Variants in TFEC observed in about 807,000 individuals in gnomAD.
TFEC encodes class E basic helix-loop-helix protein 34.
TFEC carries 31 observed loss-of-function variants against 41.6 expected under a neutral mutation model. The ratio of observed to expected loss-of-function variants is 0.74; its 90% CI spans 0.56 to 1.01. The LOEUF is 1.01. TFEC is among the 50% of genes least tolerant of loss of function. The probability of loss-of-function intolerance (pLI) is 0.00; values close to 1 mark genes in which losing one functional copy is unlikely to be tolerated. For missense variants in TFEC, 402 were observed against 404.1 expected (o/e 0.99, Z 0.04); for synonymous variants, 143 against 140.6 (o/e 1.02, Z -0.12).
In TFEC at chr7:115,992,366, C is replaced by G. The variant is rs142252655; in HGVS notation, c.-72-7853G>C. ...AGAAATAACTAAGATCAGAGCAGAA[C>G]TGAAGGAAATAGAGACACCAAAAGC... On this transcript the variant is annotated intron_variant, in intron 1 of 7. Coordinates refer to ENST00000265440, the MANE Select transcript of TFEC (RefSeq NM_012252.4). Among the ~76,000 whole-genome samples, 122 of 152,250 alleles carry G rather than the reference C, an allele frequency of 8.0e-4. No homozygotes were observed. The Middle Eastern group carries it at 0.051, about 64-fold the overall frequency.
rs948259906 is a variant in TFEC at position 116,117,289 on chromosome 7, T to C, written c.-68-5251A>G. On this transcript the variant is annotated intron_variant, in intron 1 of 8. Coordinates refer to the TFEC transcript ENST00000484212. Reference sequence around the variant, plus strand: ...ATGACCAAAATGTCCCCAGTGTCTATACCATCCATACAACATTTCACCACA... The same window carrying C: ...ATGACCAAAATGTCCCCAGTGTCTACACCATCCATACAACATTTCACCACA... Among the ~76,000 whole-genome samples, 7 of 151,860 alleles carry C rather than the reference T, an allele frequency of 4.6e-5. No individual in the cohort carries two copies. In the South Asian group the frequency reaches 1.0e-3, roughly 22 times the overall value.
At chr7:116,114,643 CCACGG>C (rs1797933982) in intron 1 of TFEC, among the ~76,000 whole-genome samples, 1 of 151,886 alleles carries the variant, frequency 6.6e-6, no homozygotes, top group South Asian at 2.1e-4. Context: ...ACGTAGGTCC[CCACGG>C]CATGCGAATC....
At chr7:116,144,298 T>A (rs1028673070) in intron 1 of TFEC, among the ~76,000 whole-genome samples, 1 of 152,184 alleles carries the variant, frequency 6.6e-6, no homozygotes, top group South Asian at 2.1e-4. Context: ...ATTTGGATTA[T>A]TAAACTGAAG....
upstream of TFEC, among the ~76,000 whole-genome samples, chr7:116,032,351 T>C (rs1795805556): frequency 6.6e-6 from 1 of 152,074 alleles, no homozygotes; most frequent in South Asian, 2.1e-4. Flanking sequence ...CAAAGGAATA[T>C]AAATCAATCT....
chr7:116,108,654 T>A (rs1032122092), intron 3 of TFEC, among the ~76,000 whole-genome samples: 1 of 152,166 alleles, frequency 6.6e-6, no homozygotes. Flanking sequence ...ATGTGCTACC[T>A]TGAATAAGTC....
intron 1 of TFEC, among the ~76,000 whole-genome samples, chr7:116,000,831 C>A (rs953336718): frequency 2.0e-5 from 3 of 151,736 alleles, no homozygotes; most frequent in African/African-American, 7.3e-5. Context: ...ACATTCCATG[C>A]TAATGAATTG....
chr7:115,940,830 C>T lies in TFEC; in HGVS notation c.765G>A (p.Glu255=). ...AHVTKQQSHP[E]QNSVDYCQQL... ...GTTGGCAATAGTCTACTGAATTCTG[C>T]TCAGGATGGCTCTGCTGTTTGGTGA... The change falls in exon 8 of 8, where the codon GAG becomes GAA. Residue 255 remains glutamate (E), a synonymous_variant. Coordinates refer to ENST00000265440, the MANE Select transcript of TFEC (RefSeq NM_012252.4). The T allele has an allele frequency of 6.2e-7, 1 of 1,613,498 alleles. No homozygotes were observed.
At chr7:116,129,586 C>CTTTTTT (rs932837265) in intron 1 of TFEC, among the ~76,000 whole-genome samples, 11 of 106,890 alleles carry the variant, frequency 1.0e-4, no homozygotes, top group African/African-American at 1.6e-4. Context: ...AATATTCTTA[C>CTTTTTT]TTTTTTTTTT....
intron 3 of TFEC, among the ~76,000 whole-genome samples, chr7:116,109,494 C>A (rs1797799435): frequency 6.6e-6 from 1 of 152,172 alleles, no homozygotes; most frequent in South Asian, 2.1e-4. Flanking sequence ...CACTGGCCAT[C>A]AGAGAAATGC....
chr7:115,953,544 G>A (rs1792060507), intron 5 of TFEC, among the ~76,000 whole-genome samples: 1 of 152,032 alleles, frequency 6.6e-6, no homozygotes, highest in South Asian at 2.1e-4. Flanking sequence ...GAAGAGAGAA[G>A]GTAGGATTAA....
At chr7:115,985,051 T>C (rs1793790936) in intron 1 of TFEC, among the ~76,000 whole-genome samples, 1 of 152,100 alleles carries the variant, frequency 6.6e-6, no homozygotes, top group East Asian at 1.9e-4. Context: ...TCTACTTTTC[T>C]GTACTTCCCT....
chr7:116,050,779 C>G (rs914997969), intron 3 of TFEC, among the ~76,000 whole-genome samples: 22 of 152,220 alleles, frequency 1.4e-4, no homozygotes, highest in Admixed American at 1.3e-4. Flanking sequence ...CCATTTGACC[C>G]AGCCATCCCA....
intron 1 of TFEC, among the ~76,000 whole-genome samples, chr7:116,131,137 A>G (rs1041864048): frequency 6.6e-6 from 1 of 152,232 alleles, no homozygotes; most frequent in African/African-American, 2.4e-5. Flanking sequence ...GCAAATTTTT[A>G]AAAGTAAGTT....
At chr7:116,054,193 G>C (rs571451798) in intron 3 of TFEC, among the ~76,000 whole-genome samples, 1 of 152,286 alleles carries the variant, frequency 6.6e-6, no homozygotes, top group African/African-American at 2.4e-5. Flanking sequence ...AATGGTAGAA[G>C]AATCTATGAA....
chr7:115,951,048 A>T (rs975271300), intron 5 of TFEC, 99 bp from the exon 6 acceptor site: 1 of 589,260 alleles, frequency 1.7e-6, no homozygotes, highest in East Asian at 3.4e-5. Flanking sequence ...ACAATGGGAA[A>T]AAAACTTTCC....
intron 1 of TFEC, chr7:116,120,476 T>TA (rs1798087614): frequency 6.6e-6 from 1 of 151,958 alleles, no homozygotes; most frequent in Non-Finnish European, 1.5e-5. Flanking sequence ...ACCCAAGACT[T>TA]ACTGAATTTG....
chr7:116,019,192 C>A (rs151298617), intron 1 of TFEC, among the ~76,000 whole-genome samples: 24 of 152,164 alleles, frequency 1.6e-4, no homozygotes, highest in Non-Finnish European at 3.4e-4. Context: ...ACTCTGAAAG[C>A]TCCTGGGCCT....
intron 3 of TFEC, among the ~76,000 whole-genome samples, chr7:116,059,539 G>A (rs887356614): frequency 6.6e-6 from 1 of 151,690 alleles, no homozygotes; most frequent in African/African-American, 2.4e-5. Flanking sequence ...TACAAAACAA[G>A]AAAACTACAA....
intron 3 of TFEC, among the ~76,000 whole-genome samples, chr7:116,108,001 G>C (rs774347522): frequency 6.6e-6 from 1 of 152,168 alleles, no homozygotes; most frequent in Non-Finnish European, 1.5e-5. Context: ...TGAGGATAAT[G>C]ATGAGGAGGA....
Sources: allele counts gnomAD v4.1 joint callset (sites outside exome capture counted in the v4.1 genomes callset), GRCh38; gene constraint gnomAD v4.1.1; transcripts MANE v1.5; gene names NCBI Gene and HGNC (gene_info 2026-07-23, HGNC 2026-07-21).